Variants in ERC1 observed in about 807,000 individuals in gnomAD.
ERC1 encodes RAB6 interacting protein 2.
A neutral mutation model predicts 132.0 loss-of-function variants in ERC1; 56 were observed. The ratio of observed to expected loss-of-function variants is 0.42; its 90% CI spans 0.34 to 0.53. The LOEUF is 0.53. ERC1 is among the 20% of genes least tolerant of loss of function. The pLI is 0.03. For synonymous variants in ERC1, 478 were observed against 476.1 expected, an observed-to-expected ratio of 1.00 and a Z score of -0.05; for missense variants, 1,202 against 1,349.9, an observed-to-expected ratio of 0.89 and a Z score of 1.72.
At chr12:1,048,805 A>G (rs1013393646) in intron 2 of ERC1, among the ~76,000 whole-genome samples, 1 of 152,238 alleles carries the variant, frequency 6.6e-6, no homozygotes, top group Non-Finnish European at 1.5e-5. Flanking sequence ...GCACTAGTAT[A>G]ATATAATTAC....
chr12:1,393,512 C>T lies in ERC1; in HGVS notation c.2926-14637C>T, dbSNP rs139513350. Among the ~76,000 whole-genome samples, 347 of 150,860 alleles carry T rather than the reference C, an allele frequency of 2.3e-3. 3 individuals are homozygous for T. The highest frequency in any genetic ancestry group is 7.8e-3 in the African/African-American group (319 of 41,066). On this transcript the variant is annotated intron_variant, in intron 16 of 18. Transcript: ENST00000360905. ...TTGTGCTACTGCACTCCAGCCTGGG[C>T]GACAGAGGAGACCCTGTCTCAATTT...
At chr12:1,337,828 G>T (rs999342494) in intron 15 of ERC1, among the ~76,000 whole-genome samples, 42 of 152,260 alleles carry the variant, frequency 2.8e-4, no homozygotes, top group African/African-American at 9.6e-4. Flanking sequence ...TGAAATTCTG[G>T]CTTGGAATTT....
chr12:1,244,538 T>G (rs753970926), intron 13 of ERC1: 7 of 427,972 alleles, frequency 1.6e-5, no homozygotes, highest in South Asian at 9.6e-5. Context: ...TTGTTTGTTT[T>G]TAAGACAGGG....
intron 2 of ERC1, among the ~76,000 whole-genome samples, chr12:1,038,424 G>A (rs1969524973): frequency 6.6e-6 from 1 of 151,448 alleles, no homozygotes; most frequent in Non-Finnish European, 1.5e-5. Context: ...TGCAGTGGTG[G>A]GATCTCGGCT....
At chr12:1,204,257 CT>C (rs112909125) in intron 12 of ERC1, among the ~76,000 whole-genome samples, 13,277 of 146,684 alleles carry the variant, frequency 0.091, 882 homozygotes, top group African/African-American at 0.18. Flanking sequence ...TTTTAGACAA[CT>C]TTTTTTTTTT....
At chr12:1,462,130 A>G (rs2154422133) in intron 18 of ERC1, among the ~76,000 whole-genome samples, 1 of 152,346 alleles carries the variant, frequency 6.6e-6, no homozygotes. Flanking sequence ...TGCAAATGAA[A>G]GCCACAAAGA....
chr12:1,359,078 A>T (rs139495921), intron 15 of ERC1, among the ~76,000 whole-genome samples: 3,186 of 152,264 alleles, frequency 0.021, 56 homozygotes, highest in Non-Finnish European at 0.036. Context: ...CAAAATTGTC[A>T]TTAGTACTAT....
upstream of ERC1, chr12:991,210 G>A (rs1959189531): frequency 7.1e-6 from 1 of 141,248 alleles, no homozygotes; most frequent in South Asian, 1.9e-4. Context: ...AGGGGGCGGG[G>A]CGCGGTGACG....
chr12:1,052,247 A>G (rs1972151418), intron 2 of ERC1, among the ~76,000 whole-genome samples: 1 of 152,218 alleles, frequency 6.6e-6, no homozygotes, highest in African/African-American at 2.4e-5. Context: ...ACACTCATCT[A>G]GTTAACCAAG....
intron 1 of ERC1, among the ~76,000 whole-genome samples, chr12:998,813 T>G (rs1476127646): frequency 6.6e-6 from 1 of 151,966 alleles, no homozygotes; most frequent in Non-Finnish European, 1.5e-5. Flanking sequence ...AGAGCACTTT[T>G]CTGTTTTTCT....
At chr12:1,154,849 CAGTG>C in intron 8 of ERC1, among the ~76,000 whole-genome samples, 1 of 152,174 alleles carries the variant, frequency 6.6e-6, no homozygotes, top group East Asian at 1.9e-4. Context: ...ATTAAAATGA[CAGTG>C]AGATACCACC....
intron 1 of ERC1, among the ~76,000 whole-genome samples, chr12:1,014,813 G>A (rs1453990261): frequency 6.6e-6 from 1 of 151,838 alleles, no homozygotes; most frequent in Non-Finnish European, 1.5e-5. Context: ...ACCCAGGCTG[G>A]AGTGCAGTGG....
rs572387897 is a variant in ERC1 at position 1,394,581 on chromosome 12, C to A, written c.2926-13568C>A. ...ATGAGAGGTGATTGGATGGGGGCAG[C>A]ATTCCTCCCTGTTGTTCTCATGATA... On this transcript the variant is annotated intron_variant, in intron 16 of 18. Coordinates refer to ENST00000360905, the MANE Select transcript of ERC1 (RefSeq NM_178040.4). Among the ~76,000 whole-genome samples the A allele has an allele frequency of 7.9e-4, 120 of 152,236 alleles. 1 individual carries two copies. Among genetic ancestry groups the A allele is most frequent in the African/African-American group, 2.8e-3 (115 of 41,526 alleles).
At chr12:1,177,629 A>T (rs1953890870) in intron 8 of ERC1, among the ~76,000 whole-genome samples, 1 of 152,218 alleles carries the variant, frequency 6.6e-6, no homozygotes, top group South Asian at 2.1e-4. Context: ...ATGGCACCCC[A>T]GATAAATTAC....
intron 18 of ERC1, among the ~76,000 whole-genome samples, chr12:1,449,333 C>T (rs575573001): frequency 3.5e-4 from 53 of 152,082 alleles, no homozygotes; most frequent in African/African-American, 1.1e-3. Context: ...TGGGAGGGGC[C>T]GGGGCAGAAT....
intron 16 of ERC1, among the ~76,000 whole-genome samples, chr12:1,373,556 T>A (rs191361792): frequency 1.3e-5 from 2 of 152,150 alleles, no homozygotes; most frequent in Non-Finnish European, 2.9e-5. Flanking sequence ...CCAAGGCGGG[T>A]GGATCATGAG....
intron 8 of ERC1, among the ~76,000 whole-genome samples, chr12:1,158,081 T>G (rs1951563413): frequency 6.6e-6 from 1 of 152,236 alleles, no homozygotes; most frequent in African/African-American, 2.4e-5. Flanking sequence ...GAGTTTATAG[T>G]TTGTGCCTAG....
chr12:1,110,352 T>C lies in ERC1; in HGVS notation c.1317+5T>C, dbSNP rs755420172. Reference sequence around the variant, plus strand: ...TCTAAATTTATGAAAAATAAGGTAATGGCATGTGAGACTTTTGATTCTTAA... The same window carrying C: ...TCTAAATTTATGAAAAATAAGGTAACGGCATGTGAGACTTTTGATTCTTAA... On this transcript the variant is annotated splice_donor_5th_base_variant and intron_variant, in intron 5 of 18. Coordinates refer to ENST00000360905, the MANE Select transcript of ERC1 (RefSeq NM_178040.4). 40 of 1,590,592 alleles carry C rather than the reference T, an allele frequency of 2.5e-5. 1 individual carries two copies. The South Asian group carries it at 4.6e-4, about 18-fold the overall frequency.
At chr12:1,009,879 ATATTT>A (rs1964396667) in intron 1 of ERC1, among the ~76,000 whole-genome samples, 2 of 152,158 alleles carry the variant, frequency 1.3e-5, no homozygotes, top group Admixed American at 1.3e-4. Context: ...ATGTAATATG[ATATTT>A]TTGTTATAAA....
Sources: allele counts gnomAD v4.1 joint callset (sites outside exome capture counted in the v4.1 genomes callset), GRCh38; gene constraint gnomAD v4.1.1; transcripts MANE v1.5; gene names NCBI Gene and HGNC (gene_info 2026-07-23, HGNC 2026-07-21).